Variants in SQSTM1 observed in about 807,000 individuals in gnomAD.
SQSTM1 encodes the protein sequestosome 1.
SQSTM1 carries 36 observed loss-of-function variants against 45.1 expected under a neutral mutation model. That is an observed-to-expected ratio of 0.80 (90% CI 0.61 to 1.05). The LOEUF is 1.05. Ranked by LOEUF, SQSTM1 falls within the 50% of genes least tolerant of loss-of-function variation. SQSTM1 has a pLI of 0.00. For synonymous variants in SQSTM1, 290 were observed against 244.3 expected, an observed-to-expected ratio of 1.19 and a Z score of -1.74; for missense variants, 617 against 607.1, an observed-to-expected ratio of 1.02 and a Z score of -0.17.
chr5:179,808,691 G>A (rs1265143146), intron 1 of SQSTM1, among the ~76,000 whole-genome samples: 1 of 151,982 alleles, frequency 6.6e-6, no homozygotes, highest in Non-Finnish European at 1.5e-5. Context: ...GGTGGCTCAT[G>A]CCTGTAATCC....
upstream of SQSTM1, chr5:179,820,837 C>T (rs1757744191): frequency 2.5e-6 from 3 of 1,200,708 alleles, no homozygotes; most frequent in Admixed American, 1.1e-4. Flanking sequence ...GCGAGAGACT[C>T]CGCCCCTCTC....
chr5:179,821,698 T>C, intron 1 of SQSTM1: 3 of 363,566 alleles, frequency 8.3e-6, no homozygotes, highest in South Asian at 3.8e-5. Flanking sequence ...GGCGGAACGC[T>C]CCGAGCCAGG....
chr5:179,818,467 A>G (rs1161501095), upstream of SQSTM1, among the ~76,000 whole-genome samples: 1 of 152,226 alleles, frequency 6.6e-6, no homozygotes, highest in Non-Finnish European at 1.5e-5. Flanking sequence ...GAACCTGGGA[A>G]CACCACTGCC....
At chr5:179,830,863 C>T (rs911115078) in intron 5 of SQSTM1, among the ~76,000 whole-genome samples, 2 of 151,866 alleles carry the variant, frequency 1.3e-5, no homozygotes, top group Admixed American at 6.6e-5. Flanking sequence ...GCCCCGTGCC[C>T]AGCTATTTTA....
At chr5:179,833,450 T>C in intron 6 of SQSTM1, 137 bp from the exon 7 acceptor site, 2 of 1,046,368 alleles carry the variant, frequency 1.9e-6, no homozygotes, top group Non-Finnish European at 2.9e-6. Flanking sequence ...GAGTGGCCAC[T>C]GTTCCCCCTA....
At chr5:179,836,139 CA>C in intron 7 of SQSTM1, 1 of 530,368 alleles carries the variant, frequency 1.9e-6, no homozygotes, top group South Asian at 2.1e-5. Context: ...CCTGTTCTTA[CA>C]TTTTAAAATC....
chr5:179,833,258 C>A lies in SQSTM1; in HGVS notation c.969+12C>A. ...AGGGGCGCCCTGAGGCAAGCCTGTG[C>A]CCCTCCCGCCACCTGGGACCACGGC... On this transcript the variant is annotated intron_variant, in intron 6 of 7. Transcript: ENST00000389805. 1 of 1,561,126 alleles carries A rather than the reference C, an allele frequency of 6.4e-7. No homozygotes were observed. Among genetic ancestry groups the A allele is most frequent in the East Asian group, 2.4e-5 (1 of 42,090 alleles).
intron 1 of SQSTM1, chr5:179,821,499 C>A (rs1372334017): frequency 1.9e-6 from 1 of 524,374 alleles, no homozygotes; most frequent in Non-Finnish European, 3.7e-6. Flanking sequence ...TCTCCGCGGG[C>A]ACTGGGTGGT....
intron 5 of SQSTM1, among the ~76,000 whole-genome samples, 187 bp from the exon 6 acceptor site, chr5:179,832,845 G>A (rs572463750): frequency 6.6e-6 from 1 of 152,236 alleles, no homozygotes; most frequent in South Asian, 2.1e-4. Context: ...TGTGATTGCG[G>A]GGTCGAGCTG....
chr5:179,833,249 A>G lies in SQSTM1; in HGVS notation c.969+3A>G. ...TGGAGTCCGAGGGGCGCCCTGAGGC[A>G]AGCCTGTGCCCCTCCCGCCACCTGG... On this transcript the variant is annotated splice_donor_region_variant and intron_variant, in intron 6 of 7. Coordinates refer to ENST00000389805, the MANE Select transcript of SQSTM1 (RefSeq NM_003900.5). 1 of 1,571,988 alleles carries G rather than the reference A, an allele frequency of 6.4e-7. No homozygotes were observed.
rs1188939996 is a variant in SQSTM1, at chr5:179,811,349, G to GGGGGAGGAGCTATGCA, written c.-156-220_-156-205dup. ...GCTTTGCAGGGGGAGGAGCTATGCA[G>GGGGGAGGAGCTATGCA]GGGGAGGAGCTATGCAGGGGGAGGA... On this transcript the variant is annotated intron_variant, in intron 1 of 5. Transcript: ENST00000514093. Among the ~76,000 whole-genome samples the GGGGGAGGAGCTATGCA allele has an allele frequency of 1.2e-3, 159 of 132,298 alleles. 1 individual carries two copies. Among genetic ancestry groups the GGGGGAGGAGCTATGCA allele is most frequent in the African/African-American group, 4.4e-3 (155 of 35,472 alleles). The allele number at this position is 132,298 out of a possible 152,430, so 86.8% of individuals were successfully genotyped here.
intron 7 of SQSTM1, chr5:179,836,075 A>T (rs1758538890): frequency 2.6e-6 from 1 of 379,392 alleles, no homozygotes; most frequent in African/African-American, 2.0e-5. Flanking sequence ...TCTTCAATCT[A>T]TTTCAATGCC....
chr5:179,823,519 T>G, intron 2 of SQSTM1: 1 of 314,870 alleles, frequency 3.2e-6, no homozygotes, highest in Non-Finnish European at 5.7e-6. Context: ...GAAAGAGGAG[T>G]CCATGTTCAC....
rs894711538 is a variant in SQSTM1, at chr5:179,808,806, A to G, written c.-157+2215A>G. 2.3e-3 allele frequency among the ~76,000 whole-genome samples: 356 copies of G among 151,692 alleles called. 2 individuals carry two copies. Among genetic ancestry groups the G allele is most frequent in the African/African-American group, 8.2e-3 (341 of 41,386 alleles). ...CATCTCATTAAAAATTTTAAAACAAATTTTTTTGGATTTTTTTGTAATTTT... is the reference window on the plus strand; with the variant it reads ...CATCTCATTAAAAATTTTAAAACAAGTTTTTTTGGATTTTTTTGTAATTTT... On this transcript the variant is annotated intron_variant, in intron 1 of 5. Coordinates refer to the SQSTM1 transcript ENST00000514093.
upstream of SQSTM1, chr5:179,820,797 C>G (rs940933229): frequency 4.9e-6 from 4 of 814,130 alleles, no homozygotes; most frequent in Non-Finnish European, 7.0e-6. Flanking sequence ...GCTCTCGCGC[C>G]GCGACGACGG....
At chr5:179,813,478 CAAG>C (rs1234670585) in intron 2 of SQSTM1, 3 of 152,014 alleles carry the variant, frequency 2.0e-5, no homozygotes, top group African/African-American at 7.3e-5. Context: ...AAGTCTAAAA[CAAG>C]AAGAGGAGTG....
intron 2 of SQSTM1, 21 bp from the exon 3 acceptor site, chr5:179,823,837 C>G: frequency 6.2e-7 from 1 of 1,608,056 alleles, no homozygotes; most frequent in Non-Finnish European, 8.5e-7. Flanking sequence ...ACCCTAGCGG[C>G]TCTCTTTACC....
At chr5:179,828,604 C>T (rs954435363) in intron 5 of SQSTM1, among the ~76,000 whole-genome samples, 10 of 152,096 alleles carry the variant, frequency 6.6e-5, no homozygotes, top group African/African-American at 2.4e-4. Flanking sequence ...GAACTCCCGA[C>T]CTCAGGTGAT....
chr5:179,806,582 A>G lies in SQSTM1; in HGVS notation c.-166A>G. 7.9e-7 allele frequency: 1 copy of G among 1,269,152 alleles called. No individual in the cohort carries two copies. Among genetic ancestry groups the G allele is most frequent in the Non-Finnish European group, 1.0e-6 (1 of 978,400 alleles). The allele number at this position is 1,269,152 out of a possible 1,614,324, so 78.6% of individuals were successfully genotyped here. On this transcript the variant is annotated 5_prime_UTR_variant, in exon 1 of 6. Transcript: ENST00000514093. The surrounding 1 kb of genome is among the most constrained non-coding windows in gnomAD (Gnocchi z 4.6). The stretch of plus-strand genomic sequence containing the variant: ...CAGGAAGGTGCCATTGCGGAGCCTC[A>G]TCTCCTCGGGTGCGCGGCGGGCGCC...
Sources: gnomAD v4.1 joint callset for allele counts (sites outside exome capture counted in the v4.1 genomes callset) on GRCh38, gnomAD v4.1.1 for gene constraint, Gnocchi (gnomAD v3.1) non-coding constraint, MANE v1.5 for transcripts, NCBI Gene and HGNC (gene_info 2026-07-23, HGNC 2026-07-21) for gene names.